The following ITGB5 variants were observed in gnomAD, a reference collection of about 807,000 sequenced individuals.
ITGB5 encodes the protein integrin beta-5.
A neutral mutation model predicts 84.8 loss-of-function variants in ITGB5; 38 were observed. The observed-to-expected ratio is 0.45, with a 90% CI of 0.35 to 0.59. The LOEUF is 0.59. ITGB5 is among the 20% of genes least tolerant of loss of function. ITGB5 has a pLI of 0.01. For missense variants in ITGB5, 905 were observed against 1,034.5 expected, an observed-to-expected ratio of 0.87 and a Z score of 1.72; for synonymous variants, 393 against 414.4, an observed-to-expected ratio of 0.95 and a Z score of 0.63.
chr3:124,818,128 C>A (rs910808400), intron 7 of ITGB5, among the ~76,000 whole-genome samples: 1 of 152,062 alleles, frequency 6.6e-6, no homozygotes, highest in Non-Finnish European at 1.5e-5. Context: ...GTTCAGAAGG[C>A]GTGAAAAGGG....
intron 3 of ITGB5, among the ~76,000 whole-genome samples, chr3:124,857,875 TGTAA>T (rs1396403406): frequency 2.0e-5 from 3 of 152,124 alleles, no homozygotes; most frequent in Non-Finnish European, 4.4e-5. Context: ...GGTTCACGCC[TGTAA>T]CCCCAGCACT....
intron 5 of ITGB5, among the ~76,000 whole-genome samples, chr3:124,832,372 A>T (rs1022587934): frequency 3.3e-5 from 5 of 152,236 alleles, no homozygotes; most frequent in Non-Finnish European, 5.9e-5. Context: ...ACTTTGGGGA[A>T]GTTACTTCAC....
At chr3:124,867,722 A>T (rs898774383) in intron 2 of ITGB5, among the ~76,000 whole-genome samples, 14 of 152,248 alleles carry the variant, frequency 9.2e-5, no homozygotes. Flanking sequence ...GCCCTGCTTG[A>T]AAGCATCCGC....
chr3:124,819,680 ACACTCC>A, intron 7 of ITGB5, 53 bp downstream of exon 7: 1 of 1,229,584 alleles, frequency 8.1e-7, no homozygotes, highest in Non-Finnish European at 1.2e-6. Context: ...AGAGTTGTAA[ACACTCC>A]TCACCACCCA....
intron 10 of ITGB5, among the ~76,000 whole-genome samples, chr3:124,785,584 C>CAA (rs11372347): frequency 6.5e-4 from 62 of 95,072 alleles, no homozygotes; most frequent in African/African-American, 1.8e-3. Context: ...GACTCCATCT[C>CAA]AAAAAAAAAA....
At chr3:124,836,901 G>A (rs937911471) in intron 5 of ITGB5, among the ~76,000 whole-genome samples, 3 of 152,118 alleles carry the variant, frequency 2.0e-5, no homozygotes, top group African/African-American at 7.2e-5. Flanking sequence ...TTTAAAAATT[G>A]AACACAGGCA....
chr3:124,806,619 A>G (rs2064409132), intron 9 of ITGB5, among the ~76,000 whole-genome samples: 1 of 151,242 alleles, frequency 6.6e-6, no homozygotes, highest in African/African-American at 2.4e-5. Flanking sequence ...TGTATTTTTT[A>G]GTAGAGACGG....
intron 3 of ITGB5, 78 bp downstream of exon 3, chr3:124,859,164 C>T (rs2065260534): frequency 2.2e-6 from 3 of 1,365,748 alleles, no homozygotes; most frequent in Admixed American, 1.9e-5. Context: ...GACTCATTGT[C>T]CCATTATTAA....
At chr3:124,816,443 T>G (rs1559949466) in intron 8 of ITGB5, among the ~76,000 whole-genome samples, 1 of 152,174 alleles carries the variant, frequency 6.6e-6, no homozygotes, top group Non-Finnish European at 1.5e-5. Flanking sequence ...TTTACCTAAG[T>G]TTAGGATTAA....
At chr3:124,895,503 GGC>G (rs1935084531) in intron 1 of ITGB5, among the ~76,000 whole-genome samples, 1 of 152,208 alleles carries the variant, frequency 6.6e-6, no homozygotes, top group East Asian at 1.9e-4. Flanking sequence ...TGGGATTACA[GGC>G]ATGAACCATC....
chr3:124,829,270 CTA>C (rs2064825616), intron 5 of ITGB5, among the ~76,000 whole-genome samples: 1 of 152,208 alleles, frequency 6.6e-6, no homozygotes, highest in Admixed American at 6.5e-5. Context: ...GAACTTTTCT[CTA>C]TGTCTTTAAG....
At chr3:124,819,379 G>A (rs999819694) in intron 7 of ITGB5, among the ~76,000 whole-genome samples, 2 of 152,228 alleles carry the variant, frequency 1.3e-5, no homozygotes, top group Non-Finnish European at 2.9e-5. Flanking sequence ...ACAGAGATTA[G>A]TGACGTAGCC....
In ITGB5 at chr3:124,796,910, G is replaced by A. The variant is rs1290739730; in HGVS notation, c.1264-93C>T. 3.9e-6 allele frequency: 5 copies of A among 1,277,546 alleles called. No homozygotes were observed. In the African/African-American group the frequency reaches 4.5e-5, roughly 12 times the overall value. The allele number at this position is 1,277,546 out of a possible 1,614,324, so 79.1% of individuals were successfully genotyped here. A position where few individuals can be genotyped will look rare whatever the true frequency, so the allele number is the denominator to read the frequency against. On this transcript the variant is annotated intron_variant, in intron 9 of 14. Coordinates refer to ENST00000296181, the MANE Select transcript of ITGB5 (RefSeq NM_002213.5). Reference sequence around the variant, plus strand: ...AGGGCCCTTGATGAAGAGCAGCTGCGAACTCCAGCCCTCTCCACGCACTCA... The same window carrying A: ...AGGGCCCTTGATGAAGAGCAGCTGCAAACTCCAGCCCTCTCCACGCACTCA...
intron 2 of ITGB5, among the ~76,000 whole-genome samples, chr3:124,861,851 C>T (rs1184340487): frequency 6.6e-6 from 1 of 152,224 alleles, no homozygotes; most frequent in Non-Finnish European, 1.5e-5. Context: ...TGAGCCAGTG[C>T]ACCCGGCCTC....
chr3:124,794,185 C>A (rs1293042097), intron 10 of ITGB5, among the ~76,000 whole-genome samples: 2 of 152,198 alleles, frequency 1.3e-5, no homozygotes, highest in East Asian at 3.9e-4. Context: ...ACAGCCCTGC[C>A]TAAAACTGTT....
intron 1 of ITGB5, among the ~76,000 whole-genome samples, chr3:124,898,428 C>G (rs1909584): frequency 0.83 from 124,500 of 150,536 alleles, 51,469 homozygotes; most frequent in East Asian, 0.87. Context: ...CGGATCACGA[C>G]GTCAGGAGAT....
chr3:124,864,096 C>CTTTTTTTT (rs558311822), intron 2 of ITGB5, among the ~76,000 whole-genome samples: 2 of 45,528 alleles, frequency 4.4e-5, no homozygotes, highest in Non-Finnish European at 8.6e-5. Context: ...ACCTATATTT[C>CTTTTTTTT]TTTTTTTTTT....
intron 12 of ITGB5, 35 bp from the exon 13 acceptor site, chr3:124,766,380 C>T: frequency 1.2e-6 from 2 of 1,611,254 alleles, no homozygotes; most frequent in African/African-American, 2.7e-5. Context: ...GCCTGAGTCT[C>T]TCTGAGCAGC....
At chr3:124,763,815 C>CCTG (rs2150917161) in intron 14 of ITGB5, 97 bp from the exon 15 acceptor site, 1 of 687,418 alleles carries the variant, frequency 1.5e-6, no homozygotes, top group African/African-American at 1.8e-5. Flanking sequence ...AGGTCAGCCC[C>CCTG]CTGCGACAGC....
Sources: allele counts gnomAD v4.1 joint callset (sites outside exome capture counted in the v4.1 genomes callset), GRCh38; gene constraint gnomAD v4.1.1; transcripts MANE v1.5; gene names NCBI Gene and HGNC (gene_info 2026-07-23, HGNC 2026-07-21).